Variants in PLCH1 observed in about 807,000 individuals in gnomAD.
PLCH1 encodes 1-phosphatidylinositol 4,5-bisphosphate phosphodiesterase eta-1.
PLCH1 carries 60 observed loss-of-function variants against 126.7 expected under a neutral mutation model. The ratio of observed to expected loss-of-function variants is 0.47; its 90% CI spans 0.38 to 0.59. The LOEUF is 0.59. Ranked by LOEUF, PLCH1 falls within the 20% of genes least tolerant of loss-of-function variation. The probability of loss-of-function intolerance (pLI) is 0.00; values close to 1 mark genes in which losing one functional copy is unlikely to be tolerated. For missense variants in PLCH1, 1,723 were observed against 2,040.0 expected, an observed-to-expected ratio of 0.84 and a Z score of 2.99; for synonymous variants, 719 against 734.9, an observed-to-expected ratio of 0.98 and a Z score of 0.35.
At chr3:155,693,017 C>T (rs1321133944) in intron 2 of PLCH1, among the ~76,000 whole-genome samples, 5 of 151,844 alleles carry the variant, frequency 3.3e-5, no homozygotes, top group Non-Finnish European at 5.9e-5. Context: ...CTCCTGACCT[C>T]GTGATCTGCC....
At chr3:155,543,095 A>G (rs1724612994) in intron 10 of PLCH1, among the ~76,000 whole-genome samples, 1 of 152,220 alleles carries the variant, frequency 6.6e-6, no homozygotes, top group African/African-American at 2.4e-5. Context: ...ACTCCAAGCT[A>G]CAGGAGGAAA....
intron 2 of PLCH1, among the ~76,000 whole-genome samples, chr3:155,598,106 C>T (rs903328941): frequency 9.2e-5 from 14 of 151,978 alleles, no homozygotes; most frequent in Non-Finnish European, 1.5e-4. Context: ...ATTGCTTGAA[C>T]CCGGGAGAAG....
chr3:155,678,580 C>G (rs1246702130), intron 2 of PLCH1, among the ~76,000 whole-genome samples: 1 of 152,190 alleles, frequency 6.6e-6, no homozygotes, highest in African/African-American at 2.4e-5. Flanking sequence ...GGCAGAGACA[C>G]TGAATGAATA....
At chr3:155,635,396 C>T (rs1387108919) in intron 2 of PLCH1, among the ~76,000 whole-genome samples, 1 of 152,166 alleles carries the variant, frequency 6.6e-6, no homozygotes, top group Non-Finnish European at 1.5e-5. Flanking sequence ...CTGTGCAACC[C>T]CTCAGCCACA....
chr3:155,469,449 C>T (rs1713077921), intron 21 of PLCH1, among the ~76,000 whole-genome samples: 1 of 152,220 alleles, frequency 6.6e-6, no homozygotes, highest in Non-Finnish European at 1.5e-5. Flanking sequence ...TCGCTGATTG[C>T]TAGCACAGCA....
At chr3:155,724,770 T>C (rs1748191535) in intron 1 of PLCH1, among the ~76,000 whole-genome samples, 1 of 151,846 alleles carries the variant, frequency 6.6e-6, no homozygotes, top group African/African-American at 2.4e-5. Context: ...GAGGTACTAT[T>C]CTATTCATCA....
chr3:155,596,578 GAA>G (rs34847648), intron 2 of PLCH1, among the ~76,000 whole-genome samples, 200 bp from the exon 3 acceptor site: 2,856 of 135,684 alleles, frequency 0.021, 72 homozygotes, highest in African/African-American at 0.061. Context: ...CTTACTAACA[GAA>G]AAAAAAAAAA....
chr3:155,537,224 A>AAAAAAAAC (rs1723547466), intron 10 of PLCH1, among the ~76,000 whole-genome samples: 1 of 10,166 alleles, frequency 9.8e-5, no homozygotes, highest in African/African-American at 1.5e-4. Flanking sequence ...AAAAAAAAAA[A>AAAAAAAAC]AAAAAAAAAC....
chr3:155,641,525 G>A (rs1739399142), intron 2 of PLCH1, among the ~76,000 whole-genome samples: 1 of 152,018 alleles, frequency 6.6e-6, no homozygotes, highest in South Asian at 2.1e-4. Context: ...ATATTAAAGG[G>A]AGTTCTTCAA....
At chr3:155,611,551 A>G (rs1300296447) in intron 2 of PLCH1, among the ~76,000 whole-genome samples, 1 of 152,208 alleles carries the variant, frequency 6.6e-6, no homozygotes, top group Non-Finnish European at 1.5e-5. Flanking sequence ...GAAACTGATG[A>G]ACAACAACAC....
Position 155,523,992 on chromosome 3 carries a change from G to C in PLCH1, c.1375C>G (p.Pro459Ala), listed in dbSNP as rs1721563595. ...GKILVKGKKL[P>A]YHLGDDAEEG... ...TCTGCATCATCCCCAAGGTGATAAG[G>C]CAACTTCTTACCCTGAAATGGAACA... Residue 459 changes from proline (P) to alanine (A), a missense_variant, in exon 11 of 23, where the codon CCT becomes GCT. Transcript: ENST00000460012. 1 of 1,584,950 alleles carries C rather than the reference G, an allele frequency of 6.3e-7. No homozygotes were observed. The highest frequency in any genetic ancestry group is 8.7e-7 in the Non-Finnish European group (1 of 1,155,630).
intron 11 of PLCH1, among the ~76,000 whole-genome samples, chr3:155,518,892 C>G (rs1306398587): frequency 2.0e-5 from 3 of 152,174 alleles, no homozygotes; most frequent in Non-Finnish European, 4.4e-5. Context: ...GTCACTTTCA[C>G]TGTCAGCAAG....
In PLCH1 at chr3:155,596,202, C is replaced by G. The variant is rs746290764; in HGVS notation, c.226+30G>C. 4 of 1,588,614 alleles carry G rather than the reference C, an allele frequency of 2.5e-6. No individual in the cohort carries two copies. In the South Asian group the frequency reaches 4.5e-5, roughly 18 times the overall value. On this transcript the variant is annotated intron_variant, in intron 3 of 22. Transcript: ENST00000460012. ...ATAACCCGTGTGTTACTATGTCCAG[C>G]CAAGCAAAGAATTCAAAGATTTGTT...
intron 1 of PLCH1, among the ~76,000 whole-genome samples, chr3:155,734,710 C>CTT (rs1226347081): frequency 5.9e-5 from 8 of 135,522 alleles, no homozygotes; most frequent in South Asian, 2.4e-4. Context: ...TTTTCTTTTT[C>CTT]TTTTTTTTTT....
At chr3:155,471,372 G>A (rs992557194) in intron 21 of PLCH1, among the ~76,000 whole-genome samples, 23 of 151,874 alleles carry the variant, frequency 1.5e-4, no homozygotes, top group African/African-American at 5.6e-4. Context: ...AACAAGAAGA[G>A]CTAACTATCC....
chr3:155,535,735 G>A (rs973266777), intron 10 of PLCH1, among the ~76,000 whole-genome samples: 1 of 152,168 alleles, frequency 6.6e-6, no homozygotes, highest in African/African-American at 2.4e-5. Context: ...TCTCTTGGGA[G>A]CTCTATGGCC....
chr3:155,583,553 A>G lies in PLCH1; in HGVS notation c.690T>C (p.Tyr230=), dbSNP rs764541897. The stretch of plus-strand genomic sequence containing the variant: ...TGTCACTGTAGCTCAAAAGTAACAA[A>G]TAAAGGTCTCGTCTCAAAGACATCA... ...YKMMSLRRDL[Y]LLLLSYSDKK... The change falls in exon 6 of 23, where the codon TAT becomes TAC. Residue 230 remains tyrosine (Y), a synonymous_variant. Coordinates refer to ENST00000460012, the MANE Select transcript of PLCH1 (RefSeq NM_014996.4). 21 of 1,604,900 alleles carry G rather than the reference A, an allele frequency of 1.3e-5. No homozygotes were observed. The Middle Eastern group carries it at 9.9e-4, about 76-fold the overall frequency.
chr3:155,471,716 T>C (rs1713257176), intron 21 of PLCH1, among the ~76,000 whole-genome samples: 1 of 150,834 alleles, frequency 6.6e-6, no homozygotes, highest in African/African-American at 2.4e-5. Flanking sequence ...ACAGAAATTA[T>C]AACAAACTAT....
At chr3:155,732,759 T>G (rs1440962834) in intron 1 of PLCH1, among the ~76,000 whole-genome samples, 1 of 151,262 alleles carries the variant, frequency 6.6e-6, no homozygotes, top group African/African-American at 2.4e-5. Context: ...ATGCCTGTAG[T>G]CCCAGCTACT....
Sources: gnomAD v4.1 joint callset for allele counts (sites outside exome capture counted in the v4.1 genomes callset) on GRCh38, gnomAD v4.1.1 for gene constraint, MANE v1.5 for transcripts, NCBI Gene and HGNC (gene_info 2026-07-23, HGNC 2026-07-21) for gene names.